Variants in HSD17B12 observed in about 807,000 individuals in gnomAD.
HSD17B12 encodes the protein hydroxysteroid 17-beta dehydrogenase 12.
In HSD17B12, 32 loss-of-function variants were observed where a neutral mutation model predicts 39.3. The observed-to-expected ratio is 0.81, with a 90% CI of 0.61 to 1.09. HSD17B12 has a LOEUF of 1.09. Among genes scored for constraint, HSD17B12 ranks in the 50% least tolerant of loss-of-function variants. The pLI is 0.00. For missense variants in HSD17B12, 342 were observed against 382.9 expected (o/e 0.89, Z 0.89); for synonymous variants, 150 against 146.7 (o/e 1.02, Z -0.16).
At chr11:43,719,379 T>G (rs1950155649) in intron 1 of HSD17B12, among the ~76,000 whole-genome samples, 1 of 152,136 alleles carries the variant, frequency 6.6e-6, no homozygotes, top group African/African-American at 2.4e-5. Context: ...AAACCAGAAC[T>G]CAGAACTTGC....
chr11:43,573,402 C>T, the HSD17B12 span, among the ~76,000 whole-genome samples: 1 of 152,178 alleles, frequency 6.6e-6, no homozygotes, highest in Admixed American at 6.5e-5. Context: ...CCAAGCCCCT[C>T]TCTGTCTTGA....
At chr11:43,853,890 G>C (rs1015039170) in intron 9 of HSD17B12, 8 of 152,168 alleles carry the variant, frequency 5.3e-5, no homozygotes, top group Admixed American at 6.5e-5. Flanking sequence ...ACCATGCCCA[G>C]GTTATTTCAA....
At chr11:43,634,507 A>G in the HSD17B12 span, among the ~76,000 whole-genome samples, 1 of 152,238 alleles carries the variant, frequency 6.6e-6, no homozygotes, top group South Asian at 2.1e-4. Flanking sequence ...TACGTATAGC[A>G]TAGATTGGTT....
chr11:43,752,747 A>G (rs1052176321), intron 2 of HSD17B12, among the ~76,000 whole-genome samples: 6 of 152,062 alleles, frequency 3.9e-5, no homozygotes, highest in African/African-American at 1.4e-4. Flanking sequence ...TTCTAATGCT[A>G]TATCTCCTAC....
rs536045123 is a variant in HSD17B12 at position 43,733,869 on chromosome 11, G to A, written c.161-17042G>A. Reference sequence around the variant, plus strand: ...ATGTGGATGCTGGGCACAGAGCTGCGATCTTTGACCAATTCCATGGAGTAC... The same window carrying A: ...ATGTGGATGCTGGGCACAGAGCTGCAATCTTTGACCAATTCCATGGAGTAC... On this transcript the variant is annotated intron_variant, in intron 1 of 10. Transcript: ENST00000278353. The A allele has an allele frequency of 3.7e-5, 25 of 677,370 alleles. No individual in the cohort carries two copies. In the African/African-American group the frequency reaches 4.2e-4, roughly 11 times the overall value. 42.0% of individuals were successfully genotyped at this position (677,370 alleles called of 1,614,324 possible). A position where few individuals can be genotyped will look rare whatever the true frequency, so the allele number is the denominator to read the frequency against.
At chr11:43,617,064 T>C in the HSD17B12 span, among the ~76,000 whole-genome samples, 28 of 152,086 alleles carry the variant, frequency 1.8e-4, no homozygotes, top group East Asian at 4.3e-3. Context: ...TGGTGAGAGA[T>C]ACTTGGCAAT....
At chr11:43,792,355 A>C (rs1225098905) in intron 3 of HSD17B12, among the ~76,000 whole-genome samples, 1 of 152,184 alleles carries the variant, frequency 6.6e-6, no homozygotes, top group Non-Finnish European at 1.5e-5. Flanking sequence ...AACGTGCGAG[A>C]CATTTTTATG....
the HSD17B12 span, among the ~76,000 whole-genome samples, chr11:43,602,132 CT>C: frequency 6.6e-6 from 1 of 152,182 alleles, no homozygotes; most frequent in Admixed American, 6.5e-5. Flanking sequence ...GGTTCATTCA[CT>C]TCCATCTGTC....
chr11:43,669,289 T>G, the HSD17B12 span, among the ~76,000 whole-genome samples: 1 of 151,700 alleles, frequency 6.6e-6, no homozygotes, highest in East Asian at 1.9e-4. Flanking sequence ...TCACTTGAGG[T>G]CAGGAGTTCG....
At chr11:43,818,478 C>T (rs537861407) in intron 6 of HSD17B12, among the ~76,000 whole-genome samples, 1 of 152,242 alleles carries the variant, frequency 6.6e-6, no homozygotes, top group East Asian at 1.9e-4. Context: ...ATTATACATA[C>T]CAGAGCAGTG....
the HSD17B12 span, among the ~76,000 whole-genome samples, chr11:43,607,684 G>T: frequency 6.6e-6 from 1 of 151,996 alleles, no homozygotes; most frequent in Non-Finnish European, 1.5e-5. Context: ...GGCATATAAC[G>T]GTCATTGTAT....
intron 1 of HSD17B12, among the ~76,000 whole-genome samples, chr11:43,739,404 A>C (rs551470749): frequency 6.6e-6 from 1 of 152,238 alleles, no homozygotes; most frequent in Admixed American, 6.5e-5. Context: ...AATAAAATAC[A>C]TAAAGAACAG....
the HSD17B12 span, among the ~76,000 whole-genome samples, chr11:43,673,578 C>T: frequency 6.0e-5 from 9 of 149,256 alleles, no homozygotes; most frequent in East Asian, 8.0e-4. Context: ...CTGCATCCTC[C>T]GCCTCCCAGG....
intron 1 of HSD17B12, among the ~76,000 whole-genome samples, chr11:43,713,066 G>T (rs1162466742): frequency 6.6e-6 from 1 of 152,148 alleles, no homozygotes; most frequent in Non-Finnish European, 1.5e-5. Flanking sequence ...TTATCCAACA[G>T]AACTTTTTAT....
chr11:43,682,976 G>C (rs1949764289), intron 1 of HSD17B12, among the ~76,000 whole-genome samples: 1 of 151,792 alleles, frequency 6.6e-6, no homozygotes, highest in African/African-American at 2.4e-5. Flanking sequence ...GTTTTTTGTA[G>C]AGACAAGGCC....
intron 1 of HSD17B12, chr11:43,733,963 G>A (rs1950292562): frequency 2.1e-5 from 15 of 706,350 alleles, no homozygotes; most frequent in South Asian, 1.9e-4. Flanking sequence ...TATCTTTGCT[G>A]TTCTCGACCA....
chr11:43,764,782 T>C (rs1950581259), intron 3 of HSD17B12, among the ~76,000 whole-genome samples: 1 of 152,162 alleles, frequency 6.6e-6, no homozygotes, highest in Non-Finnish European at 1.5e-5. Context: ...CTTTTTCCTT[T>C]AATCTATAAG....
chr11:43,700,150 G>A (rs945619672), intron 1 of HSD17B12, among the ~76,000 whole-genome samples: 7 of 152,246 alleles, frequency 4.6e-5, no homozygotes, highest in African/African-American at 1.4e-4. Flanking sequence ...CTAGTCTACC[G>A]TGTACTTGGC....
chr11:43,595,502 T>A, the HSD17B12 span, among the ~76,000 whole-genome samples: 1 of 152,258 alleles, frequency 6.6e-6, no homozygotes, highest in Non-Finnish European at 1.5e-5. Context: ...TCCAACAGAA[T>A]ATCCTCTGGA....
Sources: allele counts gnomAD v4.1 joint callset (sites outside exome capture counted in the v4.1 genomes callset), GRCh38; gene constraint gnomAD v4.1.1; transcripts MANE v1.5; gene names NCBI Gene and HGNC (gene_info 2026-07-23, HGNC 2026-07-21).